The following MAP4K3 variants were observed in gnomAD, a reference collection of about 807,000 sequenced individuals.
MAP4K3 encodes mitogen-activated protein kinase kinase kinase kinase 3, also known as MAPK/ERK kinase kinase kinase 3.
Under a neutral mutation model 143.5 loss-of-function variants are expected in MAP4K3, and 94 were observed. The observed-to-expected ratio is 0.65, with a 90% CI of 0.55 to 0.78. The LOEUF (loss-of-function observed/expected upper bound fraction) is 0.78, where lower values mean the gene tolerates loss of function less well. MAP4K3 is among the 30% of genes least tolerant of loss of function. The pLI is 0.00. For missense variants in MAP4K3, 1,077 were observed against 1,068.1 expected (o/e 1.01, Z -0.12); for synonymous variants, 416 against 347.2 (o/e 1.20, Z -2.20).
Position 39,321,129 on chromosome 2 carries a change from C to G in MAP4K3, c.918+4389G>C, listed in dbSNP as rs1177113161. On this transcript the variant is annotated intron_variant, in intron 12 of 33. Transcript: ENST00000263881. ...TGCACCTTAGCATTATATCCTTAAACTCGTGAAACAAGCATTATTCTTCAT... is the reference window on the plus strand; with the variant it reads ...TGCACCTTAGCATTATATCCTTAAAGTCGTGAAACAAGCATTATTCTTCAT... Among the ~76,000 whole-genome samples the G allele has an allele frequency of 2.6e-5, 4 of 152,084 alleles. No individual in the cohort carries two copies. In the South Asian group the frequency reaches 8.3e-4, roughly 32 times the overall value.
chr2:39,353,756 G>C (rs1025482528), intron 3 of MAP4K3, among the ~76,000 whole-genome samples: 5 of 152,170 alleles, frequency 3.3e-5, no homozygotes, highest in African/African-American at 1.2e-4. Flanking sequence ...AGCAGCAGCA[G>C]CAGCAGCAGC....
At chr2:39,295,949 C>A (rs544802413) in intron 16 of MAP4K3, among the ~76,000 whole-genome samples, 1 of 152,122 alleles carries the variant, frequency 6.6e-6, no homozygotes, top group African/African-American at 2.4e-5. Context: ...GAACTCCCGG[C>A]CTCAAGTGAT....
At chr2:39,326,842 C>T (rs969723947) in intron 8 of MAP4K3, among the ~76,000 whole-genome samples, 12 of 152,120 alleles carry the variant, frequency 7.9e-5, no homozygotes, top group African/African-American at 2.7e-4. Flanking sequence ...TTCCCGAGTG[C>T]TCTCTCCTGC....
At chr2:39,317,208 T>C (rs1007524529) in intron 12 of MAP4K3, among the ~76,000 whole-genome samples, 5 of 152,094 alleles carry the variant, frequency 3.3e-5, no homozygotes, top group African/African-American at 1.2e-4. Flanking sequence ...TGGTTAGCCA[T>C]ATACAGAAGA....
chr2:39,417,512 C>T (rs1201535683), intron 1 of MAP4K3, among the ~76,000 whole-genome samples: 1 of 151,930 alleles, frequency 6.6e-6, no homozygotes, highest in African/African-American at 2.4e-5. Context: ...GCCACCGCAC[C>T]CGCCCGAAAG....
chr2:39,371,972 T>C (rs1666093966), intron 2 of MAP4K3, among the ~76,000 whole-genome samples: 1 of 150,840 alleles, frequency 6.6e-6, no homozygotes, highest in Admixed American at 6.6e-5. Context: ...TAAACGAGCA[T>C]CCAAATTGCA....
chr2:39,404,340 G>T (rs1247197614), intron 1 of MAP4K3, among the ~76,000 whole-genome samples: 3 of 152,096 alleles, frequency 2.0e-5, no homozygotes, highest in Non-Finnish European at 4.4e-5. Context: ...GGGGCAGAAA[G>T]GAGCCCACTG....
intron 33 of MAP4K3, 98 bp downstream of exon 33, chr2:39,251,732 T>C (rs1313070245): frequency 8.2e-6 from 8 of 971,168 alleles, no homozygotes; most frequent in Non-Finnish European, 1.3e-5. Flanking sequence ...GTTGAACATA[T>C]TGCAGACATT....
In MAP4K3 at chr2:39,437,284, C is replaced by T. The variant is rs371169242; in HGVS notation, c.-297G>A. ...TCGGGGTGAAACTCCAACATGGCTT[C>T]CGCTTTCGCCGCTCCTCCCCCTCCC... On this transcript the variant is annotated 5_prime_UTR_variant, in exon 1 of 34. Transcript: ENST00000263881. 67 of 213,790 alleles carry T rather than the reference C, an allele frequency of 3.1e-4. 1 individual carries two copies. In the South Asian group the frequency reaches 7.8e-3, roughly 25 times the overall value. The allele number at this position is 213,790 out of a possible 1,614,324, so 13.2% of individuals were successfully genotyped here.
intron 1 of MAP4K3, among the ~76,000 whole-genome samples, chr2:39,386,996 T>C (rs1027861212): frequency 2.6e-5 from 4 of 152,094 alleles, no homozygotes; most frequent in African/African-American, 7.2e-5. Flanking sequence ...GTATTTTCAG[T>C]ACAGATGGAG....
chr2:39,410,897 T>A (rs1011316069), intron 1 of MAP4K3, among the ~76,000 whole-genome samples: 5 of 152,246 alleles, frequency 3.3e-5, no homozygotes, highest in Non-Finnish European at 7.3e-5. Context: ...TGTTTTTGTA[T>A]GTCATCTTTT....
intron 20 of MAP4K3, among the ~76,000 whole-genome samples, chr2:39,287,279 C>A (rs1366620029): frequency 7.0e-6 from 1 of 142,204 alleles, no homozygotes. Context: ...ATTATGTCAT[C>A]CAAGAAACTT....
intron 9 of MAP4K3, 39 bp downstream of exon 9, chr2:39,326,107 A>C: frequency 6.3e-7 from 1 of 1,595,314 alleles, no homozygotes; most frequent in South Asian, 1.1e-5. Flanking sequence ...AGAGGATAAA[A>C]ACCTTAAGCG....
At position 39,336,471 on chromosome 2, in the gene MAP4K3, CAAAAAAAAAAAAAA is replaced by C. The variant is rs55780656; in HGVS notation, c.414+435_414+448del. 3.4e-4 allele frequency among the ~76,000 whole-genome samples: 13 copies of C among 38,680 alleles called. No individual in the cohort carries two copies. In the South Asian group the frequency reaches 5.7e-3, roughly 17 times the overall value. The allele number at this position is 38,680 out of a possible 152,430, so 25.4% of individuals were successfully genotyped here. ...TGGGCAACAGAGCGAGACTCCATCT[CAAAAAAAAAAAAAA>C]AAAAAAAAAAAAAAAAGACTATGAG... On this transcript the variant is annotated intron_variant, in intron 6 of 33. Coordinates refer to ENST00000263881, the MANE Select transcript of MAP4K3 (RefSeq NM_003618.4).
chr2:39,258,341 G>A lies in MAP4K3; in HGVS notation c.2470+7C>T, dbSNP rs1202239435. The A allele has an allele frequency of 5.8e-6, 9 of 1,554,020 alleles. No individual in the cohort carries two copies. Among genetic ancestry groups the A allele is most frequent in the African/African-American group, 1.4e-5 (1 of 72,674 alleles). ...ATAATGCAAAGAATTATAAAACTTT[G>A]ACTTACCTATTGATTCAATCTGGAA... is the stretch of plus-strand genomic sequence containing the variant. On this transcript the variant is annotated splice_region_variant and intron_variant, in intron 31 of 33. Coordinates refer to ENST00000263881, the MANE Select transcript of MAP4K3 (RefSeq NM_003618.4).
chr2:39,323,579 T>C (rs1558646536), intron 12 of MAP4K3: 2 of 152,216 alleles, frequency 1.3e-5, no homozygotes, highest in South Asian at 4.1e-4. Flanking sequence ...GCATAAAGTA[T>C]AAACTTTATT....
intron 12 of MAP4K3, among the ~76,000 whole-genome samples, chr2:39,321,383 C>G (rs1311906569): frequency 4.6e-5 from 7 of 152,132 alleles, no homozygotes; most frequent in African/African-American, 1.7e-4. Context: ...TAAACAGATG[C>G]TTGAAGGCAG....
intron 1 of MAP4K3, among the ~76,000 whole-genome samples, chr2:39,397,807 T>A (rs1466792753): frequency 1.3e-5 from 2 of 152,142 alleles, no homozygotes; most frequent in Non-Finnish European, 2.9e-5. Flanking sequence ...ATATAAAGAA[T>A]TCTTAGAAAC....
chr2:39,393,625 T>C (rs1420599434), intron 1 of MAP4K3, among the ~76,000 whole-genome samples: 2 of 152,208 alleles, frequency 1.3e-5, no homozygotes, highest in African/African-American at 4.8e-5. Flanking sequence ...GCAACAAACT[T>C]CATTTTTTAA....
Sources: gnomAD v4.1 joint callset for allele counts (sites outside exome capture counted in the v4.1 genomes callset) on GRCh38, gnomAD v4.1.1 for gene constraint, MANE v1.5 for transcripts, NCBI Gene and HGNC (gene_info 2026-07-23, HGNC 2026-07-21) for gene names.